Variants in NRG3 observed in about 807,000 individuals in gnomAD.
NRG3 encodes the protein neuregulin 3.
In NRG3, 31 loss-of-function variants were observed where a neutral mutation model predicts 66.9. The ratio of observed to expected loss-of-function variants is 0.46; its 90% CI spans 0.35 to 0.63. The LOEUF (loss-of-function observed/expected upper bound fraction) is 0.63, where lower values mean the gene tolerates loss of function less well. NRG3 is among the 20% of genes least tolerant of loss of function. The pLI is 0.00. For missense variants in NRG3, 910 were observed against 878.9 expected (o/e 1.04, Z -0.45); for synonymous variants, 393 against 359.4 (o/e 1.09, Z -1.06).
At chr10:82,256,458 C>A (rs371946759) in intron 1 of NRG3, among the ~76,000 whole-genome samples, 1 of 152,104 alleles carries the variant, frequency 6.6e-6, no homozygotes, top group South Asian at 2.1e-4. Context: ...TCAGGTGTCA[C>A]GCTGGATGTT....
At chr10:82,410,679 A>C (rs2088006775) in intron 2 of NRG3, among the ~76,000 whole-genome samples, 1 of 151,942 alleles carries the variant, frequency 6.6e-6, no homozygotes, top group African/African-American at 2.4e-5. Context: ...TGAATTGTAT[A>C]ATTTAAAAGG....
intron 2 of NRG3, among the ~76,000 whole-genome samples, chr10:82,420,170 A>G (rs955560565): frequency 1.1e-4 from 17 of 152,096 alleles, no homozygotes; most frequent in Non-Finnish European, 2.5e-4. Flanking sequence ...TGTTCTGTGC[A>G]TTTGTTTTTC....
chr10:82,358,834 A>T lies in NRG3; in HGVS notation c.919A>T (p.Ile307Phe). 6.2e-7 allele frequency: 1 copy of T among 1,614,180 alleles called. No individual in the cohort carries two copies. ...TCTCAATGATGGCGAGTGCTTTGTG[A>T]TCGAAACCCTGACCGGATCCCATAA... is the stretch of plus-strand genomic sequence containing the variant. ...YCLNDGECFV[I>F]ETLTGSHKHC... The change falls in exon 2 of 9, where the codon ATC (isoleucine) becomes TTC (phenylalanine). Residue 307 changes from isoleucine (I) to phenylalanine (F), a missense_variant. Coordinates refer to ENST00000372141, the MANE Select transcript of NRG3 (RefSeq NM_001010848.4).
intron 4 of NRG3, among the ~76,000 whole-genome samples, chr10:82,947,064 T>C (rs544954532): frequency 6.6e-6 from 1 of 152,168 alleles, no homozygotes; most frequent in Non-Finnish European, 1.5e-5. Context: ...GATTAACATG[T>C]CTGTAACTCC....
chr10:82,433,119 G>A (rs570709136), intron 2 of NRG3, among the ~76,000 whole-genome samples: 1 of 152,238 alleles, frequency 6.6e-6, no homozygotes, highest in South Asian at 2.1e-4. Context: ...AGCCTTACCA[G>A]CATCTATGGT....
At chr10:82,210,983 A>T (rs1169567977) in intron 1 of NRG3, among the ~76,000 whole-genome samples, 4 of 151,644 alleles carry the variant, frequency 2.6e-5, no homozygotes, top group African/African-American at 9.7e-5. Context: ...ATCATTTTGT[A>T]CTTACAGAAT....
intron 1 of NRG3, among the ~76,000 whole-genome samples, chr10:82,307,350 TG>T (rs2080799035): frequency 1.3e-5 from 2 of 152,200 alleles, no homozygotes; most frequent in Non-Finnish European, 2.9e-5. Context: ...AAAATTAACT[TG>T]GTTCTTTCCT....
intron 1 of NRG3, among the ~76,000 whole-genome samples, chr10:82,134,436 T>C (rs1419438546): frequency 6.6e-6 from 1 of 152,174 alleles, no homozygotes; most frequent in East Asian, 1.9e-4. Flanking sequence ...GATTTTGGTA[T>C]ATCGTATAAG....
At chr10:82,826,808 T>C (rs1478779626) in intron 3 of NRG3, among the ~76,000 whole-genome samples, 3 of 151,964 alleles carry the variant, frequency 2.0e-5, no homozygotes, top group Admixed American at 2.0e-4. Flanking sequence ...TATCGGGTAT[T>C]ATGCTTACCA....
At chr10:82,015,614 C>G (rs891405491) in intron 1 of NRG3, among the ~76,000 whole-genome samples, 1 of 151,818 alleles carries the variant, frequency 6.6e-6, no homozygotes, top group African/African-American at 2.4e-5. Context: ...CCTTTTTGCT[C>G]GGCACTTCTC....
chr10:82,813,461 G>T (rs529263042), intron 3 of NRG3, among the ~76,000 whole-genome samples: 1 of 151,910 alleles, frequency 6.6e-6, no homozygotes, highest in East Asian at 1.9e-4. Context: ...TGATCCACCC[G>T]CCTCAGCCTC....
At chr10:82,969,716 C>A (rs761978294) in intron 6 of NRG3, among the ~76,000 whole-genome samples, 4 of 152,176 alleles carry the variant, frequency 2.6e-5, no homozygotes, top group Non-Finnish European at 5.9e-5. Flanking sequence ...GTCTCCATAG[C>A]TTATACTCAT....
chr10:82,735,904 C>A (rs570010069), intron 2 of NRG3, among the ~76,000 whole-genome samples: 2 of 145,416 alleles, frequency 1.4e-5, no homozygotes, highest in East Asian at 4.1e-4. Context: ...CACATGTATC[C>A]CAGAACTTAA....
chr10:82,376,008 C>T (rs554388125), intron 2 of NRG3, among the ~76,000 whole-genome samples: 2 of 152,286 alleles, frequency 1.3e-5, no homozygotes, highest in East Asian at 1.9e-4. Context: ...AGACGGCACA[C>T]AGAAAACCTG....
intron 1 of NRG3, among the ~76,000 whole-genome samples, chr10:82,007,367 G>A (rs184416360): frequency 2.0e-3 from 311 of 151,882 alleles, no homozygotes; most frequent in African/African-American, 7.1e-3. Flanking sequence ...ACGCCACCAT[G>A]CCCAGCTAAT....
At chr10:82,379,910 C>CAAAAAAAA (rs11423046) in intron 2 of NRG3, among the ~76,000 whole-genome samples, 3 of 78,536 alleles carry the variant, frequency 3.8e-5, no homozygotes, top group African/African-American at 8.4e-5. Context: ...ATGAACAATC[C>CAAAAAAAA]AAAAAAAAAA....
chr10:82,798,745 T>G (rs1380424033), intron 3 of NRG3, among the ~76,000 whole-genome samples: 4 of 152,214 alleles, frequency 2.6e-5, no homozygotes, highest in African/African-American at 4.8e-5. Context: ...CAAGCTACTG[T>G]GTATAAATGG....
At chr10:82,959,952 C>G (rs530104149) in intron 6 of NRG3, among the ~76,000 whole-genome samples, 1 of 152,126 alleles carries the variant, frequency 6.6e-6, no homozygotes, top group East Asian at 1.9e-4. Context: ...ACACAGCATC[C>G]GCACTTTCAG....
At chr10:82,352,236 T>C (rs76523279) in intron 1 of NRG3, among the ~76,000 whole-genome samples, 1 of 152,164 alleles carries the variant, frequency 6.6e-6, no homozygotes, top group African/African-American at 2.4e-5. Flanking sequence ...CACAGATATA[T>C]AACATGTTTG....
Sources: gnomAD v4.1 joint callset for allele counts (sites outside exome capture counted in the v4.1 genomes callset) on GRCh38, gnomAD v4.1.1 for gene constraint, MANE v1.5 for transcripts, NCBI Gene and HGNC (gene_info 2026-07-23, HGNC 2026-07-21) for gene names.